RALGAPA1: variants seen among roughly 807,000 people sequenced by gnomAD.
RALGAPA1 encodes ral GTPase-activating protein subunit alpha-1.
In RALGAPA1, 52 loss-of-function variants were observed where a neutral mutation model predicts 269.6. The observed-to-expected ratio is 0.19, with a 90% CI of 0.15 to 0.24. The LOEUF is 0.24. RALGAPA1 is among the 10% of genes least tolerant of loss of function. The pLI, the probability that RALGAPA1 is intolerant of heterozygous loss-of-function variation, is 1.00. For missense variants in RALGAPA1, 1,917 were observed against 3,013.9 expected (o/e 0.64, Z 8.52); for synonymous variants, 817 against 1,008.3 (o/e 0.81, Z 3.60).
At chr14:35,790,171 T>C (rs1459873105) in intron 1 of RALGAPA1, among the ~76,000 whole-genome samples, 1 of 151,962 alleles carries the variant, frequency 6.6e-6, no homozygotes, top group African/African-American at 2.4e-5. Context: ...GAGAATAGCT[T>C]GAACCCTGGA....
chr14:35,600,314 T>C (rs1455287995), intron 36 of RALGAPA1, among the ~76,000 whole-genome samples: 1 of 142,510 alleles, frequency 7.0e-6, no homozygotes, highest in Non-Finnish European at 1.5e-5. Flanking sequence ...CACTGTAACC[T>C]CCACCTCCGG....
intron 33 of RALGAPA1, among the ~76,000 whole-genome samples, chr14:35,634,038 A>G (rs2061517204): frequency 6.6e-6 from 1 of 152,172 alleles, no homozygotes; most frequent in Non-Finnish European, 1.5e-5. Context: ...ATATTTAGCA[A>G]TTGAGAGTCA....
intron 12 of RALGAPA1, among the ~76,000 whole-genome samples, chr14:35,734,444 T>C (rs2070788704): frequency 6.6e-6 from 1 of 151,802 alleles, no homozygotes; most frequent in African/African-American, 2.4e-5. Context: ...AACAAAAACA[T>C]AAAGTGGGGA....
chr14:35,738,613 G>T lies in RALGAPA1; in HGVS notation c.1487C>A (p.Ser496Tyr), dbSNP rs763755478. The T allele has an allele frequency of 1.2e-6, 2 of 1,613,276 alleles. No individual in the cohort carries two copies. The highest frequency in any genetic ancestry group is 4.5e-5 in the East Asian group (2 of 44,840). The stretch of plus-strand genomic sequence containing the variant: ...GTAGGAGCCGTTTTTTGCCCAACTG[G>T]AATTTCGAACATGATCAGCAGTATT... Reference protein sequence around the residue: ...GTNTADHVRNSSWAKNGSYQG... With the variant: ...GTNTADHVRNYSWAKNGSYQG... Residue 496 changes from serine to tyrosine, a missense_variant, in exon 12 of 42, where the codon TCC becomes TAC. Around this residue, in one of 11 missense-constraint regions of RALGAPA1, gnomAD observed 462 missense variants for 725.6 expected, o/e 0.64. Transcript: ENST00000680220.
At chr14:35,713,013 T>C (rs1277475878) in intron 16 of RALGAPA1, among the ~76,000 whole-genome samples, 1 of 152,172 alleles carries the variant, frequency 6.6e-6, no homozygotes, top group African/African-American at 2.4e-5. Flanking sequence ...CAGGGCCTTA[T>C]AAAAATCATG....
At position 35,539,669 on chromosome 14, in the gene RALGAPA1, G is replaced by T; in HGVS notation, c.*45C>A. The T allele has an allele frequency of 6.2e-7, 1 of 1,614,038 alleles. No individual in the cohort carries two copies. The highest frequency in any genetic ancestry group is 8.5e-7 in the Non-Finnish European group (1 of 1,179,994). ...CTGCGTTGCTGTGGGAGTTTCACTG[G>T]GTAGAATCTCTGGGTAGGAGCCTGT... On this transcript the variant is annotated 3_prime_UTR_variant, in exon 42 of 42. Transcript: ENST00000680220.
In RALGAPA1 at chr14:35,629,298, T is replaced by G. The variant is rs1164240459; in HGVS notation, c.5996-1347A>C. 2.0e-5 allele frequency among the ~76,000 whole-genome samples: 3 copies of G among 151,766 alleles called. No individual in the cohort carries two copies. In the East Asian group the frequency reaches 5.8e-4, roughly 29 times the overall value. On this transcript the variant is annotated intron_variant, in intron 33 of 41. Transcript: ENST00000680220. ...TGTTTAGGGGGTGTGTGTGTGTGTG[T>G]GTGTGTGTGTGTGTTTAAAACATTC...
chr14:35,744,583 T>A lies in RALGAPA1; in HGVS notation c.1252-2018A>T, dbSNP rs567657274. ...GCAAAAAAGTCAGCTCCCAAGATGA[T>A]GATGGAAAGTTAAGGTGCAATATCA... On this transcript the variant is annotated intron_variant, in intron 10 of 41. Transcript: ENST00000680220. 3.3e-5 allele frequency among the ~76,000 whole-genome samples: 5 copies of A among 152,296 alleles called. No individual in the cohort carries two copies. In the South Asian group the frequency reaches 1.0e-3, roughly 32 times the overall value.
intron 16 of RALGAPA1, among the ~76,000 whole-genome samples, chr14:35,717,572 T>A (rs541312240): frequency 1.2e-4 from 18 of 152,260 alleles, no homozygotes; most frequent in African/African-American, 3.9e-4. Flanking sequence ...ATTTTATTTT[T>A]TTTTTGGAGA....
intron 31 of RALGAPA1, among the ~76,000 whole-genome samples, chr14:35,648,448 A>C (rs2062599179): frequency 6.6e-6 from 1 of 150,764 alleles, no homozygotes; most frequent in African/African-American, 2.4e-5. Flanking sequence ...CTTGGGCAAC[A>C]GAGCAAAACT....
chr14:35,637,508 T>C (rs1489491332), intron 31 of RALGAPA1, among the ~76,000 whole-genome samples: 1 of 151,890 alleles, frequency 6.6e-6, no homozygotes, highest in Non-Finnish European at 1.5e-5. Context: ...GACAAGCTAT[T>C]TGAAAATACA....
chr14:35,586,631 C>T (rs1244843989), intron 37 of RALGAPA1, among the ~76,000 whole-genome samples: 1 of 152,158 alleles, frequency 6.6e-6, no homozygotes, highest in Non-Finnish European at 1.5e-5. Flanking sequence ...CCCATCAATA[C>T]CTAGTTTATT....
Position 35,689,581 on chromosome 14 carries a change from T to C in RALGAPA1, c.2830A>G (p.Lys944Glu). 1 of 1,242,536 alleles carries C rather than the reference T, an allele frequency of 8.0e-7. No individual in the cohort carries two copies. The highest frequency in any genetic ancestry group is 1.0e-6 in the Non-Finnish European group (1 of 995,036). 77.0% of individuals were successfully genotyped at this position (1,242,536 alleles called of 1,614,324 possible). A position where few individuals can be genotyped will look rare whatever the true frequency, so the allele number is the denominator to read the frequency against. Residue 944 changes from lysine (K) to glutamate (E), a missense_variant, in exon 18 of 42, where the codon AAA (lysine) becomes GAA (glutamate). By Grantham distance (56) the Lys-to-Glu change is moderately conservative. Transcript: ENST00000680220. The part of the protein sequence containing the change: ...EGDDDLLSTL[K>E]EYFKENQENH... ...TCCTGGTTTTCCTTAAAATATTCTT[T>C]CAGGGTGGAAAGAAGATCATCATCT...
chr14:35,585,084 A>T (rs1408147089), intron 37 of RALGAPA1, among the ~76,000 whole-genome samples: 1 of 152,208 alleles, frequency 6.6e-6, no homozygotes, highest in Non-Finnish European at 1.5e-5. Context: ...CGATAAAGAG[A>T]AGCCTCATAT....
At chr14:35,540,323 A>G (rs894047671) in intron 41 of RALGAPA1, among the ~76,000 whole-genome samples, 7 of 152,178 alleles carry the variant, frequency 4.6e-5, no homozygotes, top group Non-Finnish European at 8.8e-5. Flanking sequence ...AAAAAGGCAA[A>G]CTGACTCCCC....
At chr14:35,725,442 C>T (rs997618063) in intron 13 of RALGAPA1, among the ~76,000 whole-genome samples, 1 of 152,134 alleles carries the variant, frequency 6.6e-6, no homozygotes, top group Non-Finnish European at 1.5e-5. Flanking sequence ...CCCGTCTCCG[C>T]AACCACAAAT....
Position 35,609,226 on chromosome 14 carries a change from CA to C in RALGAPA1, c.6930-3518del, listed in dbSNP as rs1230276755. On this transcript the variant is annotated intron_variant, in intron 35 of 41. Transcript: ENST00000680220. ...TAGGCGACAGAGCGACACTCCGTCT[CA>C]AAAAAAAAAAACCAAAAAACAAAAA... Among the ~76,000 whole-genome samples the C allele has an allele frequency of 2.3e-3, 240 of 106,046 alleles. 1 individual carries two copies. The highest frequency in any genetic ancestry group is 0.017 in the Admixed American group (169 of 10,006). 69.6% of individuals were successfully genotyped at this position (106,046 alleles called of 152,430 possible).
chr14:35,797,360 A>AAAAAAAAAAAAAG (rs1249996372), intron 1 of RALGAPA1, among the ~76,000 whole-genome samples: 9 of 151,492 alleles, frequency 5.9e-5, no homozygotes, highest in African/African-American at 2.2e-4. Flanking sequence ...TCAAAAAAAA[A>AAAAAAAAAAAAAG]AAAAAAAAGA....
At chr14:35,600,509 G>A (rs866003573) in intron 36 of RALGAPA1, among the ~76,000 whole-genome samples, 13 of 152,176 alleles carry the variant, frequency 8.5e-5, no homozygotes, top group Admixed American at 3.3e-4. Context: ...AGGGTTACAG[G>A]TGTAAGCCAC....
Sources: gnomAD v4.1 joint callset for allele counts (sites outside exome capture counted in the v4.1 genomes callset) on GRCh38, gnomAD v4.1.1 for gene constraint, gnomAD v4.1.1 regional missense constraint, MANE v1.5 for transcripts, NCBI Gene and HGNC (gene_info 2026-07-23, HGNC 2026-07-21) for gene names.